Variants in SGCD observed in about 807,000 individuals in gnomAD.
The protein encoded by SGCD is sarcoglycan delta, also known as delta-sarcoglycan.
Under a neutral mutation model 36.6 loss-of-function variants are expected in SGCD, and 18 were observed. That is an observed-to-expected ratio of 0.49 (90% CI 0.34 to 0.73). SGCD has a LOEUF of 0.73. Ranked by LOEUF, SGCD falls within the 30% of genes least tolerant of loss-of-function variation. The pLI, the probability that SGCD is intolerant of heterozygous loss-of-function variation, is 0.01. For synonymous variants in SGCD, 133 were observed against 130.6 expected, an observed-to-expected ratio of 1.02 and a Z score of -0.12; for missense variants, 387 against 346.7, an observed-to-expected ratio of 1.12 and a Z score of -0.92.
chr5:156,250,087 G>A (rs905906827), intron 3 of SGCD, among the ~76,000 whole-genome samples: 9 of 152,186 alleles, frequency 5.9e-5, no homozygotes, highest in African/African-American at 1.9e-4. Context: ...ACTATAATGA[G>A]CGTTGAAACT....
intron 7 of SGCD, among the ~76,000 whole-genome samples, chr5:156,736,650 G>A (rs1010866486): frequency 6.6e-6 from 1 of 152,148 alleles, no homozygotes; most frequent in African/African-American, 2.4e-5. Flanking sequence ...CCAAGTGAAT[G>A]ACAGGGTGGA....
At chr5:155,905,874 A>G (rs1028316025) in intron 1 of SGCD, among the ~76,000 whole-genome samples, 6 of 152,094 alleles carry the variant, frequency 3.9e-5, no homozygotes, top group African/African-American at 1.4e-4. Context: ...GCCACGTGGA[A>G]CTGTAAATCC....
chr5:156,717,014 G>A (rs2113768616), intron 7 of SGCD, among the ~76,000 whole-genome samples: 1 of 152,336 alleles, frequency 6.6e-6, no homozygotes, highest in African/African-American at 2.4e-5. Context: ...GGCTAATTAT[G>A]TAGTGAGATT....
At chr5:156,111,779 A>ATT (rs200904500) in intron 1 of SGCD, among the ~76,000 whole-genome samples, 4 of 144,196 alleles carry the variant, frequency 2.8e-5, no homozygotes, top group Non-Finnish European at 6.2e-5. Flanking sequence ...ATAGAGGTGT[A>ATT]TTTTTTTTTT....
intron 6 of SGCD, among the ~76,000 whole-genome samples, chr5:156,608,370 A>G (rs1761591831): frequency 6.6e-6 from 1 of 152,170 alleles, no homozygotes; most frequent in Admixed American, 6.5e-5. Context: ...GCGTTTCTTA[A>G]TCCTGAGTTC....
intron 1 of SGCD, among the ~76,000 whole-genome samples, chr5:155,940,148 T>A (rs908131392): frequency 7.2e-5 from 11 of 152,194 alleles, no homozygotes; most frequent in African/African-American, 2.7e-4. Context: ...AAATGTCTCA[T>A]CTTAAGTTCT....
chr5:156,578,205 A>G (rs906116329), intron 4 of SGCD, among the ~76,000 whole-genome samples: 2 of 151,994 alleles, frequency 1.3e-5, no homozygotes, highest in African/African-American at 2.4e-5. Flanking sequence ...TGTTTATGTG[A>G]TGGGTTACAT....
chr5:156,297,330 C>T (rs958630998), intron 3 of SGCD, among the ~76,000 whole-genome samples: 6 of 152,008 alleles, frequency 3.9e-5, no homozygotes, highest in Non-Finnish European at 7.3e-5. Context: ...TATAAAGACA[C>T]CTGCACACGT....
At chr5:155,787,521 C>T in the SGCD span, among the ~76,000 whole-genome samples, 14 of 152,166 alleles carry the variant, frequency 9.2e-5, no homozygotes, top group African/African-American at 3.4e-4. Context: ...TCGAGGGACA[C>T]TCGGCCACTC....
the SGCD span, among the ~76,000 whole-genome samples, chr5:155,771,586 A>G: frequency 6.6e-6 from 1 of 151,832 alleles, no homozygotes. Flanking sequence ...GTGCCCGGCT[A>G]AATTTTTTTT....
intron 7 of SGCD, among the ~76,000 whole-genome samples, chr5:156,754,438 A>G (rs183945539): frequency 6.6e-6 from 1 of 152,356 alleles, no homozygotes; most frequent in African/African-American, 2.4e-5. Flanking sequence ...TATAACCATG[A>G]AGTATGCATC....
At chr5:156,271,072 GT>G in intron 3 of SGCD, among the ~76,000 whole-genome samples, 1 of 152,182 alleles carries the variant, frequency 6.6e-6, no homozygotes, top group African/African-American at 2.4e-5. Flanking sequence ...TAATAGAGGC[GT>G]TTTGGAAAGA....
rs70984404 is a variant in SGCD at position 156,333,783 on chromosome 5, A to ATTTTTTTTTTTTTTT, written c.3+4227_3+4241dup. Among the ~76,000 whole-genome samples, 23 of 19,966 alleles carry ATTTTTTTTTTTTTTT rather than the reference A, an allele frequency of 1.2e-3. 8 individuals are homozygous for ATTTTTTTTTTTTTTT. Among genetic ancestry groups the ATTTTTTTTTTTTTTT allele is most frequent in the Non-Finnish European group, 1.7e-3 (18 of 10,476 alleles). The allele number at this position is 19,966 out of a possible 152,430, so 13.1% of individuals were successfully genotyped here. On this transcript the variant is annotated intron_variant, in intron 2 of 8. Coordinates refer to ENST00000337851, the MANE Select transcript of SGCD (RefSeq NM_000337.6). The stretch of plus-strand genomic sequence containing the variant: ...GTGCTTTCTTTATGTTAGAAAAGTG[A>ATTTTTTTTTTTTTTT]TTTTTTTTTTTTTTTTTTTTTTTTT...
intron 3 of SGCD, among the ~76,000 whole-genome samples, chr5:156,143,632 A>C (rs949070154): frequency 7.2e-5 from 11 of 152,228 alleles, no homozygotes; most frequent in African/African-American, 2.7e-4. Flanking sequence ...GATGTGGGAC[A>C]TGGAGTCACA....
intron 4 of SGCD, among the ~76,000 whole-genome samples, chr5:156,529,055 T>G (rs1172963893): frequency 6.6e-6 from 1 of 152,078 alleles, no homozygotes; most frequent in Non-Finnish European, 1.5e-5. Flanking sequence ...GATTCCTACC[T>G]AGGTTAGGAG....
At chr5:156,478,498 G>A (rs918344244) in intron 3 of SGCD, among the ~76,000 whole-genome samples, 1 of 152,152 alleles carries the variant, frequency 6.6e-6, no homozygotes, top group Non-Finnish European at 1.5e-5. Context: ...CAATTCTGTC[G>A]CTTGGTGTCT....
chr5:156,160,293 A>G (rs1763059438), intron 3 of SGCD, among the ~76,000 whole-genome samples: 1 of 151,666 alleles, frequency 6.6e-6, no homozygotes, highest in Non-Finnish European at 1.5e-5. Context: ...GATCTCTTCC[A>G]GCATCAGTCT....
intron 1 of SGCD, among the ~76,000 whole-genome samples, chr5:156,024,442 A>AT (rs1334783328): frequency 1.3e-5 from 2 of 151,734 alleles, no homozygotes; most frequent in African/African-American, 4.8e-5. Context: ...AGTTTTTTGC[A>AT]TTTCCAACCT....
rs530159763 is a variant in SGCD at position 156,684,811 on chromosome 5, G to T, written c.575+37275G>T. The stretch of plus-strand genomic sequence containing the variant: ...AATTAGGAATGCTTCTAAAGAAATA[G>T]GAAGGTTATGGGGGATGGTTGGGGC... On this transcript the variant is annotated intron_variant, in intron 7 of 8. Transcript: ENST00000337851. Among the ~76,000 whole-genome samples, 4 of 152,284 alleles carry T rather than the reference G, an allele frequency of 2.6e-5. No individual in the cohort carries two copies. The South Asian group carries it at 8.3e-4, about 32-fold the overall frequency.
Sources: allele counts gnomAD v4.1 joint callset (sites outside exome capture counted in the v4.1 genomes callset), GRCh38; gene constraint gnomAD v4.1.1; transcripts MANE v1.5; gene names NCBI Gene and HGNC (gene_info 2026-07-23, HGNC 2026-07-21).